The following RARS1 variants were observed in gnomAD, a reference collection of about 807,000 sequenced individuals.
RARS1 encodes the protein arginine--tRNA ligase, cytoplasmic.
In RARS1, 75 loss-of-function variants were observed where a neutral mutation model predicts 78.7. The ratio of observed to expected loss-of-function variants is 0.95; its 90% CI spans 0.79 to 1.15. RARS1 has a LOEUF of 1.15. RARS1 is among the 50% of genes most tolerant of loss of function. The probability of loss-of-function intolerance (pLI) is 0.00; values close to 1 mark genes in which losing one functional copy is unlikely to be tolerated. For missense variants in RARS1, 787 were observed against 787.5 expected (o/e 1.00, Z 0.01); for synonymous variants, 273 against 268.2 (o/e 1.02, Z -0.18).
chr5:168,505,714 G>GAAAAAAAAAAAAAAAAAAAAAAAAAAA (rs60743864), intron 9 of RARS1, among the ~76,000 whole-genome samples: 1 of 114,248 alleles, frequency 8.8e-6, no homozygotes, highest in Non-Finnish European at 1.8e-5. Context: ...TATCAAAAAA[G>GAAAAAAAAAAAAAAAAAAAAAAAAAAA]AAAAAAAAAA....
intron 1 of RARS1, 44 bp from the exon 2 acceptor site, chr5:168,488,555 TGTG>T: frequency 2.6e-6 from 4 of 1,562,742 alleles, no homozygotes; most frequent in Non-Finnish European, 3.5e-6. Context: ...AGAGGGGAAA[TGTG>T]GAAGTAAGTT....
chr5:168,507,633 T>C (rs1480603155), intron 11 of RARS1, among the ~76,000 whole-genome samples: 1 of 152,210 alleles, frequency 6.6e-6, no homozygotes, highest in Non-Finnish European at 1.5e-5. Flanking sequence ...GCAGATGAGA[T>C]GTGTTAAGGT....
intron 6 of RARS1, among the ~76,000 whole-genome samples, chr5:168,495,934 A>G (rs187245126): frequency 5.6e-4 from 85 of 152,278 alleles, no homozygotes; most frequent in African/African-American, 1.9e-3. Context: ...GGATCACTAG[A>G]GGCCAGGAGT....
intron 3 of RARS1, among the ~76,000 whole-genome samples, chr5:168,493,643 A>AAAAT (rs1758128019): frequency 6.6e-6 from 1 of 151,746 alleles, no homozygotes; most frequent in Non-Finnish European, 1.5e-5. Flanking sequence ...CAAAAAAAAA[A>AAAAT]AAAAAAAAAA....
At chr5:168,493,623 G>T (rs1482096932) in intron 3 of RARS1, among the ~76,000 whole-genome samples, 1 of 116,546 alleles carries the variant, frequency 8.6e-6, no homozygotes, top group Non-Finnish European at 1.7e-5. Flanking sequence ...AACAGAGCGA[G>T]ACTCCATCTC....
intron 9 of RARS1, 32 bp downstream of exon 9, chr5:168,502,137 G>A: frequency 6.4e-7 from 1 of 1,569,638 alleles, no homozygotes; most frequent in African/African-American, 1.4e-5. Flanking sequence ...TTTTATTATG[G>A]AAATTTTCAA....
chr5:168,491,271 G>A (rs1758077896), intron 2 of RARS1, among the ~76,000 whole-genome samples: 1 of 152,230 alleles, frequency 6.6e-6, no homozygotes, highest in African/African-American at 2.4e-5. Context: ...AAGGCAGGAG[G>A]ATGTCTTGAA....
At chr5:168,506,638 G>A in intron 10 of RARS1, 84 bp from the exon 11 acceptor site, 1 of 1,017,622 alleles carries the variant, frequency 9.8e-7, no homozygotes, top group Non-Finnish European at 1.5e-6. Flanking sequence ...GAATTTTACA[G>A]ATCTATTCCT....
In RARS1 at chr5:168,489,323, G is replaced by A. The variant is rs550102433; in HGVS notation, c.180+587G>A. Among the ~76,000 whole-genome samples, 57 of 152,266 alleles carry A rather than the reference G, an allele frequency of 3.7e-4. 1 individual carries two copies. Among genetic ancestry groups the A allele is most frequent in the African/African-American group, 1.3e-3 (56 of 41,548 alleles). On this transcript the variant is annotated intron_variant, in intron 2 of 14. Transcript: ENST00000231572. ...AGTATAACCTACTGCACCCAGCAAG[G>A]TTGAGGCATTTCTTTCAACAGTTTA...
intron 9 of RARS1, among the ~76,000 whole-genome samples, chr5:168,502,365 T>TAC (rs1257060309): frequency 9.8e-6 from 1 of 101,950 alleles, no homozygotes; most frequent in Non-Finnish European, 1.9e-5. Flanking sequence ...ATAACAAATA[T>TAC]ATATATATAT....
intron 9 of RARS1, among the ~76,000 whole-genome samples, chr5:168,504,062 GAAAA>G (rs35643354): frequency 7.6e-6 from 1 of 131,828 alleles, no homozygotes. Flanking sequence ...CCCTGTCTCT[GAAAA>G]AAAAAAAAAA....
intron 4 of RARS1, 106 bp from the exon 5 acceptor site, chr5:168,494,444 G>A (rs767491837): frequency 4.6e-5 from 70 of 1,524,858 alleles, no homozygotes; most frequent in Middle Eastern, 2.5e-4. Flanking sequence ...ATTGGAATCC[G>A]GAAGAATTTT....
chr5:168,498,064 C>T (rs1758235828), intron 7 of RARS1: 1 of 151,834 alleles, frequency 6.6e-6, no homozygotes, highest in African/African-American at 2.4e-5. Context: ...CCCATCTCTA[C>T]AAAAAATACA....
chr5:168,504,610 AG>A (rs966956157), intron 9 of RARS1, among the ~76,000 whole-genome samples: 1 of 151,626 alleles, frequency 6.6e-6, no homozygotes, highest in Admixed American at 6.6e-5. Context: ...GCGGATCACG[AG>A]GTCATGAGTT....
intron 14 of RARS1, among the ~76,000 whole-genome samples, 192 bp downstream of exon 14, chr5:168,518,254 A>G (rs918485278): frequency 6.6e-6 from 1 of 151,342 alleles, no homozygotes; most frequent in African/African-American, 2.4e-5. Flanking sequence ...CCCAGCTCCA[A>G]GTGTCTCATT....
chr5:168,515,970 C>G (rs1434987576), intron 12 of RARS1, among the ~76,000 whole-genome samples: 1 of 152,164 alleles, frequency 6.6e-6, no homozygotes, highest in East Asian at 1.9e-4. Context: ...CAGCCCCGTA[C>G]TCTAAACTCT....
At chr5:168,494,465 G>T in intron 4 of RARS1, 85 bp from the exon 5 acceptor site, 1 of 1,562,654 alleles carries the variant, frequency 6.4e-7, no homozygotes. Context: ...GCCAGAGCCA[G>T]GTCAGTGTCT....
intron 5 of RARS1, chr5:168,494,878 G>A (rs964678889): frequency 1.7e-5 from 7 of 418,206 alleles, no homozygotes; most frequent in East Asian, 7.9e-5. Context: ...AAAGAAAAAC[G>A]AACTGCATGG....
intron 9 of RARS1, 114 bp downstream of exon 9, chr5:168,502,219 T>C (rs1327545311): frequency 6.3e-6 from 9 of 1,429,048 alleles, no homozygotes; most frequent in East Asian, 5.1e-5. Flanking sequence ...TCAACAGTTA[T>C]GGGTACTGAC....
Sources: allele counts gnomAD v4.1 joint callset (sites outside exome capture counted in the v4.1 genomes callset), GRCh38; gene constraint gnomAD v4.1.1; transcripts MANE v1.5; gene names NCBI Gene and HGNC (gene_info 2026-07-23, HGNC 2026-07-21).